DSC3: variants seen among roughly 807,000 people sequenced by gnomAD.
DSC3 encodes the protein desmocollin 3, also known as desmocollin-3.
In DSC3, 97 loss-of-function variants were observed where a neutral mutation model predicts 89.5. The observed-to-expected ratio is 1.08, with a 90% CI of 0.92 to 1.28. The LOEUF is 1.28. Among genes scored for constraint, DSC3 ranks in the 50% most tolerant of loss-of-function variants. The pLI is 0.00. For missense variants in DSC3, 1,199 were observed against 1,085.3 expected, an observed-to-expected ratio of 1.10 and a Z score of -1.47; for synonymous variants, 436 against 384.1, an observed-to-expected ratio of 1.14 and a Z score of -1.58.
At chr18:31,041,267 G>A (rs1252108831) in intron 1 of DSC3, among the ~76,000 whole-genome samples, 1 of 152,182 alleles carries the variant, frequency 6.6e-6, no homozygotes, top group African/African-American at 2.4e-5. Context: ...CTGAAAAGCT[G>A]AAAATGCTTT....
chr18:31,002,920 G>C (rs1040319257), intron 13 of DSC3, among the ~76,000 whole-genome samples: 14 of 152,088 alleles, frequency 9.2e-5, no homozygotes, highest in South Asian at 4.1e-4. Context: ...TACAGAAAAA[G>C]TGTGCCAACT....
chr18:31,003,413 T>G (rs886923882), intron 13 of DSC3, among the ~76,000 whole-genome samples: 1 of 152,236 alleles, frequency 6.6e-6, no homozygotes, highest in African/African-American at 2.4e-5. Flanking sequence ...TTTTTTGACT[T>G]GATGAAAAAT....
At position 31,018,141 on chromosome 18, in the gene DSC3, C is replaced by G; in HGVS notation, c.1193G>C (p.Gly398Ala). 1.2e-6 allele frequency: 2 copies of G among 1,612,244 alleles called. No homozygotes were observed. Among genetic ancestry groups the G allele is most frequent in the Non-Finnish European group, 1.7e-6 (2 of 1,179,060 alleles). ...GATTTTGAAATGTCCATTTTCATTT[C>G]CCTTTAAAATGGTAAAATTGACTCT... is the stretch of plus-strand genomic sequence containing the variant. Reference protein sequence around the residue: ...NWRVNFTILKGNENGHFKIST... With the variant: ...NWRVNFTILKANENGHFKIST... Residue 398 changes from glycine to alanine, a missense_variant, in exon 9 of 16, where the codon GGA becomes GCA. Gly to Ala is a moderately conservative substitution (Grantham distance 60, BLOSUM62 0). Coordinates refer to ENST00000360428, the MANE Select transcript of DSC3 (RefSeq NM_001941.5).
intron 13 of DSC3, among the ~76,000 whole-genome samples, chr18:31,002,788 C>G (rs1037862352): frequency 7.3e-5 from 11 of 151,028 alleles, no homozygotes; most frequent in African/African-American, 2.7e-4. Context: ...TCTATTGGAA[C>G]ACAGTAAAGC....
At position 31,022,496 on chromosome 18, in the gene DSC3, G is replaced by A. The variant is rs758677438; in HGVS notation, c.782C>T (p.Thr261Ile). 1.1e-5 allele frequency: 17 copies of A among 1,613,830 alleles called. No homozygotes were observed. The African/African-American group carries it at 1.1e-4, about 10-fold the overall frequency. Residue 261 changes from threonine (T) to isoleucine (I), a missense_variant, in exon 7 of 16, where the codon ACA becomes ATA. Coordinates refer to ENST00000360428, the MANE Select transcript of DSC3 (RefSeq NM_001941.5). ...GTCTGTGGCACAAACCACCCCCACT[G>A]TAGTACCTACACATTAAAAAATAAA... is the stretch of plus-strand genomic sequence containing the variant. ...EVLESSRPGTTVGVVCATDRD... is the reference protein window; with the variant it reads ...EVLESSRPGTIVGVVCATDRD...
chr18:31,025,080 G>A (rs1198220918), intron 5 of DSC3, among the ~76,000 whole-genome samples: 2 of 152,144 alleles, frequency 1.3e-5, no homozygotes, highest in African/African-American at 2.4e-5. Flanking sequence ...GTCACATGGG[G>A]TACATCAGTT....
At chr18:31,023,039 G>C (rs944580802) in intron 6 of DSC3, among the ~76,000 whole-genome samples, 2 of 152,044 alleles carry the variant, frequency 1.3e-5, no homozygotes, top group Non-Finnish European at 2.9e-5. Flanking sequence ...GCCTTAACTG[G>C]TCTGAACCTA....
chr18:31,024,525 T>A, intron 5 of DSC3, 32 bp from the exon 6 acceptor site: 1 of 1,607,032 alleles, frequency 6.2e-7, no homozygotes. Context: ...GTTCCATTAA[T>A]ATCAGATCCC....
rs1178898124 is a variant in DSC3, at chr18:30,997,038, T to TTGGCAGAG, written c.2238_2245dup (p.Asn749ThrfsTer7). 1 of 1,614,010 alleles carries TTGGCAGAG rather than the reference T, an allele frequency of 6.2e-7. No homozygotes were observed. Among genetic ancestry groups the TTGGCAGAG allele is most frequent in the Non-Finnish European group, 8.5e-7 (1 of 1,180,006 alleles). ...GTTGGTAGTTTGGGTCATAAATCCA[T>TTGGCAGAG]TGGCAGAGCACTGAAATAATAAAAT... On this transcript the variant is annotated frameshift_variant, in exon 15 of 16. Coordinates refer to ENST00000360428, the MANE Select transcript of DSC3 (RefSeq NM_001941.5). LOFTEE classifies it high-confidence loss of function.
chr18:31,041,483 T>G (rs1425302654), intron 1 of DSC3, among the ~76,000 whole-genome samples: 1 of 152,042 alleles, frequency 6.6e-6, no homozygotes, highest in East Asian at 1.9e-4. Context: ...TTGGACCCAC[T>G]CCCACTTGCC....
chr18:31,038,636 C>A (rs1212330469), intron 1 of DSC3, among the ~76,000 whole-genome samples: 1 of 151,924 alleles, frequency 6.6e-6, no homozygotes, highest in Non-Finnish European at 1.5e-5. Context: ...TTAGTTGATA[C>A]CCTCTATTGC....
chr18:31,026,940 A>G (rs574489153), intron 4 of DSC3, among the ~76,000 whole-genome samples: 1 of 152,286 alleles, frequency 6.6e-6, no homozygotes, highest in East Asian at 1.9e-4. Context: ...ATGCTAAAAA[A>G]TAAAGAAACC....
At chr18:31,031,410 T>C (rs1022818996) in intron 2 of DSC3, among the ~76,000 whole-genome samples, 4 of 152,112 alleles carry the variant, frequency 2.6e-5, no homozygotes, top group Admixed American at 2.0e-4. Context: ...TAAACCTTTA[T>C]ATGCTTCTAA....
At chr18:31,021,092 ATGT>A (rs994926745) in intron 7 of DSC3, among the ~76,000 whole-genome samples, 4 of 149,378 alleles carry the variant, frequency 2.7e-5, no homozygotes, top group Admixed American at 6.7e-5. Context: ...TTTACTTCTC[ATGT>A]TGTTCCCCTC....
At chr18:31,032,329 C>T (rs1985819830) in intron 1 of DSC3, 53 bp from the exon 2 acceptor site, 3 of 1,354,320 alleles carry the variant, frequency 2.2e-6, no homozygotes, top group South Asian at 1.2e-5. Flanking sequence ...TTAAAAAAAA[C>T]ATAATCATAT....
At chr18:30,995,996 A>AAAAAAAAAAAAAAAAAAAAAAGAAAG (rs1555631968) in intron 15 of DSC3, among the ~76,000 whole-genome samples, 4 of 136,408 alleles carry the variant, frequency 2.9e-5, no homozygotes, top group African/African-American at 1.2e-4. Flanking sequence ...AAAAAAAAAA[A>AAAAAAAAAAAAAAAAAAAAAAGAAAG]AAAGAAAAGA....
chr18:31,030,245 G>A (rs914486658), intron 3 of DSC3, among the ~76,000 whole-genome samples: 6 of 152,154 alleles, frequency 3.9e-5, no homozygotes, highest in Non-Finnish European at 7.4e-5. Flanking sequence ...TCTATCATGG[G>A]AAAAAGTTCT....
intron 4 of DSC3, among the ~76,000 whole-genome samples, chr18:31,027,440 G>T (rs1401235049): frequency 1.4e-5 from 2 of 142,028 alleles, no homozygotes; most frequent in East Asian, 4.7e-4. Flanking sequence ...TATTTTTTCT[G>T]ACAGCTCAGT....
chr18:31,005,470 G>A (rs766992944), intron 12 of DSC3, among the ~76,000 whole-genome samples: 3 of 152,260 alleles, frequency 2.0e-5, no homozygotes, highest in East Asian at 1.9e-4. Context: ...GTTGCCTACT[G>A]TACCAAGGTT....
Sources: gnomAD v4.1 joint callset for allele counts (sites outside exome capture counted in the v4.1 genomes callset) on GRCh38, gnomAD v4.1.1 for gene constraint, MANE v1.5 for transcripts, NCBI Gene and HGNC (gene_info 2026-07-23, HGNC 2026-07-21) for gene names.